The following OCA2 variants were observed in gnomAD, a reference collection of about 807,000 sequenced individuals.
OCA2 encodes P protein.
OCA2 carries 77 observed loss-of-function variants against 100.2 expected under a neutral mutation model. The observed-to-expected ratio is 0.77, with a 90% CI of 0.64 to 0.93. OCA2 has a LOEUF of 0.93. Ranked by LOEUF, OCA2 falls within the 40% of genes least tolerant of loss-of-function variation. OCA2 has a pLI of 0.00. For synonymous variants in OCA2, 432 were observed against 439.2 expected (o/e 0.98, Z 0.21); for missense variants, 1,062 against 1,089.1 (o/e 0.98, Z 0.35).
the OCA2 span, among the ~76,000 whole-genome samples, chr15:27,726,488 C>T: frequency 1.3e-5 from 2 of 152,130 alleles, no homozygotes; most frequent in African/African-American, 2.4e-5. Flanking sequence ...TTCCTGACTC[C>T]GGTTGTACTG....
At position 27,805,464 on chromosome 15, in the gene OCA2, C is replaced by A. The variant is rs151097497; in HGVS notation, c.2432+39495G>T. On this transcript the variant is annotated intron_variant, in intron 23 of 23. Coordinates refer to ENST00000354638, the MANE Select transcript of OCA2 (RefSeq NM_000275.3). ...CACACCGCGGGGACCCGGTGTAAAA[C>A]GGAAACCAACCCCGAATCTCCAGGC... is the stretch of plus-strand genomic sequence containing the variant. Among the ~76,000 whole-genome samples the A allele has an allele frequency of 8.7e-4, 133 of 152,304 alleles. 1 individual carries two copies. The highest frequency in any genetic ancestry group is 2.9e-3 in the African/African-American group (120 of 41,566).
chr15:27,741,110 G>C, the OCA2 span, among the ~76,000 whole-genome samples: 21 of 152,156 alleles, frequency 1.4e-4, no homozygotes, highest in Non-Finnish European at 2.6e-4. Context: ...GCCTGCTTAC[G>C]GCGGAGGCCT....
Position 27,783,909 on chromosome 15 carries a change from C to T in OCA2, c.2433-28437G>A, listed in dbSNP as rs533170778. ...GACAGCAAGCACTCTACACCCAGGG[C>T]GCTGATGAAAACCCACTGCCTCCAG... is the stretch of plus-strand genomic sequence containing the variant. On this transcript the variant is annotated intron_variant, in intron 23 of 23. Transcript: ENST00000354638. 4.6e-5 allele frequency among the ~76,000 whole-genome samples: 7 copies of T among 152,264 alleles called. No individual in the cohort carries two copies. The East Asian group carries it at 5.8e-4, about 13-fold the overall frequency.
intron 23 of OCA2, among the ~76,000 whole-genome samples, chr15:27,797,020 T>A (rs1372665746): frequency 6.6e-6 from 1 of 152,160 alleles, no homozygotes; most frequent in African/African-American, 2.4e-5. Context: ...ACAGTCACTG[T>A]CAGTCATGAG....
chr15:27,908,129 T>C (rs1034835381), intron 19 of OCA2, among the ~76,000 whole-genome samples: 8 of 151,800 alleles, frequency 5.3e-5, no homozygotes, highest in African/African-American at 1.9e-4. Flanking sequence ...CAATGCCAAA[T>C]AGAAAATGAA....
intron 14 of OCA2, among the ~76,000 whole-genome samples, chr15:27,982,180 C>T (rs1057929): frequency 2.6e-5 from 4 of 152,150 alleles, no homozygotes; most frequent in African/African-American, 7.2e-5. Context: ...CACATACAAA[C>T]ACTCTAGGAT....
chr15:27,868,837 CTT>C (rs1378090673), intron 21 of OCA2, among the ~76,000 whole-genome samples: 1 of 152,182 alleles, frequency 6.6e-6, no homozygotes, highest in Admixed American at 6.5e-5. Flanking sequence ...TTCATGAAAA[CTT>C]ATACATTCGA....
intron 1 of OCA2, among the ~76,000 whole-genome samples, chr15:28,095,210 G>T (rs1363363849): frequency 1.3e-5 from 2 of 152,190 alleles, no homozygotes; most frequent in African/African-American, 4.8e-5. Context: ...ACTCGGAGCA[G>T]AGCTCGAGCT....
chr15:27,788,077 T>C (rs2032903306), intron 23 of OCA2, among the ~76,000 whole-genome samples: 1 of 152,080 alleles, frequency 6.6e-6, no homozygotes, highest in South Asian at 2.1e-4. Flanking sequence ...TCTATTGTGG[T>C]CAGATGACAT....
intron 10 of OCA2, 102 bp from the exon 11 acceptor site, chr15:27,989,768 G>T (rs2041488372): frequency 2.9e-6 from 3 of 1,032,424 alleles, no homozygotes; most frequent in African/African-American, 1.6e-5. Flanking sequence ...TCAGTGGGCG[G>T]GCCAGGGTTG....
chr15:28,039,948 C>T (rs1205711255), intron 2 of OCA2, among the ~76,000 whole-genome samples: 1 of 151,688 alleles, frequency 6.6e-6, no homozygotes, highest in Non-Finnish European at 1.5e-5. Flanking sequence ...AGGAGAACTG[C>T]TTGAACCCAA....
intron 19 of OCA2, among the ~76,000 whole-genome samples, chr15:27,875,202 G>A (rs1039682170): frequency 6.6e-6 from 1 of 152,090 alleles, no homozygotes; most frequent in Admixed American, 6.5e-5. Context: ...GCATTCTTTT[G>A]GTTTTATACA....
chr15:27,985,021 C>G (rs1201072932), intron 13 of OCA2, 43 bp downstream of exon 13: 2 of 1,612,172 alleles, frequency 1.2e-6, no homozygotes, highest in Non-Finnish European at 1.7e-6. Flanking sequence ...CCCTGCCTGC[C>G]AGAACCTGGC....
chr15:27,960,098 G>A (rs1245088142), intron 15 of OCA2, among the ~76,000 whole-genome samples: 1 of 152,090 alleles, frequency 6.6e-6, no homozygotes, highest in Admixed American at 6.5e-5. Context: ...ATTTCCCTCT[G>A]AACCCTGTGC....
At chr15:28,074,582 G>A (rs1461910011) in intron 2 of OCA2, among the ~76,000 whole-genome samples, 1 of 151,488 alleles carries the variant, frequency 6.6e-6, no homozygotes, top group Non-Finnish European at 1.5e-5. Context: ...GCTGAGGCAG[G>A]AGAATGGCGT....
At chr15:28,002,795 C>A (rs2041968399) in intron 9 of OCA2, among the ~76,000 whole-genome samples, 1 of 152,188 alleles carries the variant, frequency 6.6e-6, no homozygotes, top group Non-Finnish European at 1.5e-5. Context: ...GATATTTTGT[C>A]ATTATTGTGT....
intron 23 of OCA2, among the ~76,000 whole-genome samples, chr15:27,835,682 C>A (rs907178365): frequency 6.6e-6 from 1 of 152,252 alleles, no homozygotes. Context: ...CAGGCGCAGG[C>A]CCTGTTCTCA....
intron 23 of OCA2, among the ~76,000 whole-genome samples, chr15:27,823,195 T>G (rs955114936): frequency 6.6e-6 from 1 of 152,254 alleles, no homozygotes; most frequent in Non-Finnish European, 1.5e-5. Flanking sequence ...CTCTCCATTC[T>G]TTCCCACTGG....
At chr15:28,031,585 G>A (rs933157439) in intron 3 of OCA2, among the ~76,000 whole-genome samples, 7 of 152,210 alleles carry the variant, frequency 4.6e-5, no homozygotes, top group African/African-American at 1.7e-4. Flanking sequence ...GAGTTTTCTT[G>A]TGAAACACAT....
Sources: gnomAD v4.1 joint callset for allele counts (sites outside exome capture counted in the v4.1 genomes callset) on GRCh38, gnomAD v4.1.1 for gene constraint, MANE v1.5 for transcripts, NCBI Gene and HGNC (gene_info 2026-07-23, HGNC 2026-07-21) for gene names.